The following PCDH15 variants were observed in gnomAD, a reference collection of about 807,000 sequenced individuals.
PCDH15 encodes protocadherin related 15.
A neutral mutation model predicts 178.5 loss-of-function variants in PCDH15; 129 were observed. That is an observed-to-expected ratio of 0.72 (90% CI 0.63 to 0.84). PCDH15 has a LOEUF of 0.84. Among genes scored for constraint, PCDH15 ranks in the 40% least tolerant of loss-of-function variants. The pLI, the probability that PCDH15 is intolerant of heterozygous loss-of-function variation, is 0.00. For synonymous variants in PCDH15, 800 were observed against 732.0 expected (o/e 1.09, Z -1.50); for missense variants, 2,230 against 2,099.9 (o/e 1.06, Z -1.21).
chr10:54,545,099 A>G (rs2085696563), intron 2 of PCDH15, among the ~76,000 whole-genome samples: 1 of 152,168 alleles, frequency 6.6e-6, no homozygotes, highest in Admixed American at 6.5e-5. Flanking sequence ...AAAAGTGGAG[A>G]ATGTGTGGGA....
intron 25 of PCDH15, among the ~76,000 whole-genome samples, chr10:53,905,397 G>C (rs561338609): frequency 1.3e-5 from 2 of 152,088 alleles, no homozygotes; most frequent in African/African-American, 4.8e-5. Flanking sequence ...GCAGTGGCAC[G>C]ATCTCGGCTC....
At chr10:55,591,906 G>A (rs1326273691) in intron 2 of PCDH15, among the ~76,000 whole-genome samples, 6 of 152,012 alleles carry the variant, frequency 3.9e-5, no homozygotes, top group South Asian at 2.1e-4. Context: ...ATACACATAC[G>A]TTATATATAC....
chr10:54,555,409 T>C (rs1254598462), intron 2 of PCDH15, among the ~76,000 whole-genome samples: 2 of 152,062 alleles, frequency 1.3e-5, no homozygotes, highest in African/African-American at 4.8e-5. Context: ...AGTGCTCTCT[T>C]GATGGGCTTT....
At chr10:54,497,525 G>T (rs2080244648) in intron 3 of PCDH15, among the ~76,000 whole-genome samples, 2 of 152,102 alleles carry the variant, frequency 1.3e-5, no homozygotes, top group Admixed American at 1.3e-4. Context: ...GGAGAAGGTT[G>T]AAACCAAATC....
chr10:55,068,264 A>C (rs868623272), intron 2 of PCDH15, among the ~76,000 whole-genome samples: 1 of 151,816 alleles, frequency 6.6e-6, no homozygotes, highest in Non-Finnish European at 1.5e-5. Flanking sequence ...ATCTATTATG[A>C]GTTTATTTTT....
intron 2 of PCDH15, among the ~76,000 whole-genome samples, chr10:55,445,605 A>G (rs1839298673): frequency 6.6e-6 from 1 of 152,198 alleles, no homozygotes; most frequent in Admixed American, 6.5e-5. Context: ...TGCTTTATAT[A>G]CTAGTAAGAG....
chr10:54,982,504 T>G (rs1394137430), intron 2 of PCDH15, among the ~76,000 whole-genome samples: 1 of 152,170 alleles, frequency 6.6e-6, no homozygotes, highest in African/African-American at 2.4e-5. Flanking sequence ...AGGAAATATA[T>G]TTTAGAAGAG....
intron 2 of PCDH15, among the ~76,000 whole-genome samples, chr10:55,342,585 C>T (rs1369929224): frequency 2.6e-5 from 4 of 152,068 alleles, no homozygotes; most frequent in African/African-American, 9.7e-5. Flanking sequence ...GTTGGGACTA[C>T]AGATGTGAAT....
intron 2 of PCDH15, among the ~76,000 whole-genome samples, chr10:54,576,049 AC>A (rs2090443555): frequency 2.0e-5 from 3 of 152,014 alleles, no homozygotes; most frequent in African/African-American, 7.2e-5. Context: ...TATTAAACAA[AC>A]AAACAAACAA....
At chr10:55,219,876 TCA>T (rs2132182153) in intron 1 of PCDH15, among the ~76,000 whole-genome samples, 1 of 109,408 alleles carries the variant, frequency 9.1e-6, no homozygotes, top group East Asian at 2.6e-4. Context: ...GATCCTGATA[TCA>T]GTCACACACA....
intron 15 of PCDH15, among the ~76,000 whole-genome samples, chr10:54,122,527 T>A (rs2041624237): frequency 6.6e-6 from 1 of 151,922 alleles, no homozygotes; most frequent in African/African-American, 2.4e-5. Flanking sequence ...TGTTAAACTT[T>A]TTTTTTCATA....
chr10:53,840,728 T>C (rs1428692340), intron 28 of PCDH15, among the ~76,000 whole-genome samples: 3 of 152,226 alleles, frequency 2.0e-5, no homozygotes, highest in Non-Finnish European at 4.4e-5. Flanking sequence ...CCATGTCCTA[T>C]TTAACTTTAG....
intron 15 of PCDH15, among the ~76,000 whole-genome samples, chr10:54,123,757 T>C (rs911123013): frequency 2.0e-5 from 3 of 152,010 alleles, no homozygotes; most frequent in South Asian, 2.1e-4. Context: ...TCAACCTAGG[T>C]GCCCATCGGT....
intron 23 of PCDH15, among the ~76,000 whole-genome samples, chr10:53,946,379 C>G (rs765843406): frequency 1.3e-5 from 2 of 152,080 alleles, no homozygotes; most frequent in Non-Finnish European, 1.5e-5. Context: ...TTCTGTTTTT[C>G]GTCTACTCAT....
chr10:54,386,295 T>C (rs1304321722), intron 3 of PCDH15, among the ~76,000 whole-genome samples: 1 of 152,008 alleles, frequency 6.6e-6, no homozygotes, highest in Non-Finnish European at 1.5e-5. Flanking sequence ...AAAATAATCT[T>C]ATGCTGTTTT....
intron 2 of PCDH15, chr10:54,585,489 CTGT>C (rs2091386104): frequency 4.9e-6 from 1 of 202,720 alleles, no homozygotes; most frequent in African/African-American, 2.3e-5. Context: ...ACCTTCAGAA[CTGT>C]TGTTAATAAC....
At chr10:53,905,334 T>A in intron 25 of PCDH15, 1 of 456,620 alleles carries the variant, frequency 2.2e-6, no homozygotes, top group South Asian at 1.6e-5. Context: ...GTACATTTTT[T>A]TCTTTTTCTT....
intron 2 of PCDH15, among the ~76,000 whole-genome samples, chr10:55,446,841 G>A (rs1839329320): frequency 6.6e-6 from 1 of 152,042 alleles, no homozygotes; most frequent in African/African-American, 2.4e-5. Flanking sequence ...CAGACCTGTA[G>A]TGTGAAGCAG....
At chr10:54,753,955 G>A (rs1946701895) in intron 1 of PCDH15, among the ~76,000 whole-genome samples, 1 of 146,526 alleles carries the variant, frequency 6.8e-6, no homozygotes, top group South Asian at 2.2e-4. Context: ...GTGCAGTGGC[G>A]CCGCCACCAC....
Sources: allele counts gnomAD v4.1 joint callset (sites outside exome capture counted in the v4.1 genomes callset), GRCh38; gene constraint gnomAD v4.1.1; transcripts MANE v1.5; gene names NCBI Gene and HGNC (gene_info 2026-07-23, HGNC 2026-07-21).